Variants in ZZZ3 observed in about 807,000 individuals in gnomAD.
The protein encoded by ZZZ3 is zinc finger ZZ-type containing 3, also known as ZZ-type zinc finger-containing protein 3.
In ZZZ3, 22 loss-of-function variants were observed where a neutral mutation model predicts 95.2. The observed-to-expected ratio is 0.23, with a 90% CI of 0.17 to 0.33. The LOEUF is 0.33. Among genes scored for constraint, ZZZ3 ranks in the 10% least tolerant of loss-of-function variants. The probability of loss-of-function intolerance (pLI) is 1.00; values close to 1 mark genes in which losing one functional copy is unlikely to be tolerated. For missense variants in ZZZ3, 885 were observed against 1,066.5 expected, an observed-to-expected ratio of 0.83 and a Z score of 2.37; for synonymous variants, 335 against 358.9, an observed-to-expected ratio of 0.93 and a Z score of 0.75.
At chr1:77,582,412 C>T (rs1258184971) in intron 6 of ZZZ3, among the ~76,000 whole-genome samples, 3 of 152,014 alleles carry the variant, frequency 2.0e-5, no homozygotes, top group Admixed American at 2.0e-4. Context: ...AACTAACAAC[C>T]CATAAATGTT....
At chr1:77,612,032 G>C (rs1665863536) in intron 5 of ZZZ3, among the ~76,000 whole-genome samples, 2 of 151,874 alleles carry the variant, frequency 1.3e-5, no homozygotes, top group South Asian at 4.2e-4. Flanking sequence ...AAATAAAAAG[G>C]CAACCTACAA....
chr1:77,578,889 C>A lies in ZZZ3; in HGVS notation c.2083-20G>T. 6.8e-7 allele frequency: 1 copy of A among 1,479,600 alleles called. No homozygotes were observed. The highest frequency in any genetic ancestry group is 1.4e-5 in the South Asian group (1 of 72,756). The allele number at this position is 1,479,600 out of a possible 1,614,324, so 91.7% of individuals were successfully genotyped here. On this transcript the variant is annotated intron_variant, in intron 10 of 14. Transcript: ENST00000370801. ...GGCAACCTAAGGAAACATGACAAGT[C>A]TCTTAACACAATGAGATGACATACA... is the stretch of plus-strand genomic sequence containing the variant.
chr1:77,681,959 A>G (rs1672807476), intron 1 of ZZZ3, among the ~76,000 whole-genome samples: 1 of 152,170 alleles, frequency 6.6e-6, no homozygotes, highest in Non-Finnish European at 1.5e-5. Flanking sequence ...ATAACCTAAA[A>G]CAACCATCCC....
intron 5 of ZZZ3, among the ~76,000 whole-genome samples, chr1:77,607,830 G>T (rs894939736): frequency 2.0e-5 from 3 of 150,076 alleles, no homozygotes; most frequent in Non-Finnish European, 4.4e-5. Context: ...TGACGCAGGA[G>T]AATTGCTTGA....
chr1:77,679,977 AGAT>A (rs1672599418), intron 1 of ZZZ3, among the ~76,000 whole-genome samples: 2 of 152,358 alleles, frequency 1.3e-5, no homozygotes, highest in Middle Eastern at 3.4e-3. Context: ...TTCATAGATC[AGAT>A]GCACGTGGAC....
In ZZZ3 at chr1:77,563,967, C is replaced by G. The variant is rs1382818696; in HGVS notation, c.*1673G>C. On this transcript the variant is annotated 3_prime_UTR_variant, in exon 15 of 15. Transcript: ENST00000370801. ...AAATTCAGGGTATGATTTTAGTACC[C>G]TGCTATGTACTGAAGAGAACTAGTA... The G allele has an allele frequency of 6.6e-6, 1 of 151,866 alleles. No homozygotes were observed. The highest frequency in any genetic ancestry group is 1.5e-5 in the Non-Finnish European group (1 of 67,964). 9.4% of individuals were successfully genotyped at this position (151,866 alleles called of 1,614,324 possible).
At chr1:77,584,702 C>T (rs751507198) in intron 5 of ZZZ3, 47 bp from the exon 6 acceptor site, 6 of 1,484,174 alleles carry the variant, frequency 4.0e-6, no homozygotes, top group Non-Finnish European at 5.4e-6. Context: ...CTAGTAACAA[C>T]AATAAATAAA....
At chr1:77,659,391 T>C (rs1670582050) in intron 1 of ZZZ3, among the ~76,000 whole-genome samples, 1 of 151,888 alleles carries the variant, frequency 6.6e-6, no homozygotes, top group South Asian at 2.1e-4. Context: ...GATCCAGGTG[T>C]GGTAGCTCAC....
chr1:77,615,367 G>C (rs753917338), intron 5 of ZZZ3, among the ~76,000 whole-genome samples: 5 of 152,164 alleles, frequency 3.3e-5, no homozygotes, highest in Admixed American at 3.3e-4. Flanking sequence ...GTATGACAAC[G>C]GTTAAAATCA....
chr1:77,649,734 T>A (rs1669627032), intron 1 of ZZZ3, among the ~76,000 whole-genome samples: 1 of 151,776 alleles, frequency 6.6e-6, no homozygotes, highest in Admixed American at 6.6e-5. Flanking sequence ...AATACAAAAT[T>A]AGCCGGGTAT....
intron 1 of ZZZ3, among the ~76,000 whole-genome samples, chr1:77,644,695 G>T (rs1044600372): frequency 6.6e-6 from 1 of 152,128 alleles, no homozygotes; most frequent in Non-Finnish European, 1.5e-5. Flanking sequence ...ACCTCTCAGG[G>T]TTATTGTGAA....
chr1:77,574,433 A>G (rs1185718968), intron 12 of ZZZ3, among the ~76,000 whole-genome samples: 1 of 152,140 alleles, frequency 6.6e-6, no homozygotes, highest in Non-Finnish European at 1.5e-5. Context: ...CAATTAAAAT[A>G]TGAACTTAAT....
chr1:77,565,590 T>C lies in ZZZ3; in HGVS notation c.*50A>G. ...AAACTGTGCACATAATTAACAATGATACCATTGCTATGTGTTGAAGAGGAC... is the reference window on the plus strand; with the variant it reads ...AAACTGTGCACATAATTAACAATGACACCATTGCTATGTGTTGAAGAGGAC... On this transcript the variant is annotated 3_prime_UTR_variant, in exon 15 of 15. Transcript: ENST00000370801. 6.4e-7 allele frequency: 1 copy of C among 1,572,430 alleles called. No individual in the cohort carries two copies. The highest frequency in any genetic ancestry group is 8.7e-7 in the Non-Finnish European group (1 of 1,152,416).
chr1:77,597,121 AAAGT>A (rs1468390846), intron 5 of ZZZ3, among the ~76,000 whole-genome samples: 2 of 152,114 alleles, frequency 1.3e-5, no homozygotes, highest in Non-Finnish European at 2.9e-5. Flanking sequence ...ATAGTGTCAA[AAAGT>A]AAGAAGCACT....
At position 77,632,951 on chromosome 1, in the gene ZZZ3, G is replaced by A. The variant is rs1263548439; in HGVS notation, c.404C>T (p.Ser135Phe). The A allele has an allele frequency of 1.9e-6, 3 of 1,614,004 alleles. No individual in the cohort carries two copies. Among genetic ancestry groups the A allele is most frequent in the Non-Finnish European group, 1.7e-6 (2 of 1,180,032 alleles). The change falls in exon 5 of 15, where the codon TCT becomes TTT. Residue 135 changes from serine to phenylalanine, a missense_variant. Around this residue, in one of 5 missense-constraint regions of ZZZ3, gnomAD observed 556 missense variants for 652.9 expected, o/e 0.85. Coordinates refer to ENST00000370801, the MANE Select transcript of ZZZ3 (RefSeq NM_015534.6). ...TGACTCCTTGTCTGATTTTATAGGA[G>A]AATCTTCTTCTGAACTGTTTGGTGC... ...SEAPNSSEED[S>F]PIKSDKESVE...
At chr1:77,627,270 C>T (rs192791232) in intron 5 of ZZZ3, among the ~76,000 whole-genome samples, 3 of 152,266 alleles carry the variant, frequency 2.0e-5, no homozygotes, top group Admixed American at 6.5e-5. Flanking sequence ...GGTGCCTATC[C>T]TGTCTACTTT....
chr1:77,633,280 A>T lies in ZZZ3; in HGVS notation c.75T>A (p.Gly25=). 1 of 1,614,004 alleles carries T rather than the reference A, an allele frequency of 6.2e-7. No homozygotes were observed. Among genetic ancestry groups the T allele is most frequent in the Non-Finnish European group, 8.5e-7 (1 of 1,179,958 alleles). ...CAATGCTACGATTCCTTAAAGTTCTACCACAAAAAGATTCATCCAAGCCGT... is the reference window on the plus strand; with the variant it reads ...CAATGCTACGATTCCTTAAAGTTCTTCCACAAAAAGATTCATCCAAGCCGT... ...GLNGLDESFC[G]RTLRNRSIAH... Residue 25 remains glycine, a synonymous_variant, in exon 5 of 15, where the codon GGT becomes GGA. Coordinates refer to ENST00000370801, the MANE Select transcript of ZZZ3 (RefSeq NM_015534.6).
chr1:77,613,368 A>C (rs975199661), intron 5 of ZZZ3, among the ~76,000 whole-genome samples: 1 of 152,016 alleles, frequency 6.6e-6, no homozygotes, highest in African/African-American at 2.4e-5. Flanking sequence ...TAACCTGTGA[A>C]GACTAGGTCT....
At chr1:77,600,128 TA>T (rs34052337) in intron 5 of ZZZ3, among the ~76,000 whole-genome samples, 105,266 of 150,334 alleles carry the variant, frequency 0.7, 37,346 homozygotes, top group Admixed American at 0.77. Context: ...CTATAAGACT[TA>T]AAAAAAAAAA....
Sources: gnomAD v4.1 joint callset for allele counts (sites outside exome capture counted in the v4.1 genomes callset) on GRCh38, gnomAD v4.1.1 for gene constraint, gnomAD v4.1.1 regional missense constraint, MANE v1.5 for transcripts, NCBI Gene and HGNC (gene_info 2026-07-23, HGNC 2026-07-21) for gene names.